The following PATJ variants were observed in gnomAD, a reference collection of about 807,000 sequenced individuals.
PATJ encodes the protein PATJ crumbs cell polarity complex component.
Under a neutral mutation model 224.9 loss-of-function variants are expected in PATJ, and 190 were observed. That is an observed-to-expected ratio of 0.84 (90% CI 0.75 to 0.95). PATJ has a LOEUF of 0.95. Ranked by LOEUF, PATJ falls within the 40% of genes least tolerant of loss-of-function variation. The probability of loss-of-function intolerance (pLI) is 0.00; values close to 1 mark genes in which losing one functional copy is unlikely to be tolerated. For missense variants in PATJ, 2,121 were observed against 2,270.3 expected (o/e 0.93, Z 1.34); for synonymous variants, 769 against 820.3 (o/e 0.94, Z 1.07).
chr1:61,912,959 C>T (rs1216399414), intron 25 of PATJ, among the ~76,000 whole-genome samples: 2 of 152,108 alleles, frequency 1.3e-5, no homozygotes, highest in African/African-American at 2.4e-5. Flanking sequence ...ATGTATTAAA[C>T]AGAGATAGAA....
At chr1:61,744,419 C>T (rs1196876151) in intron 1 of PATJ, among the ~76,000 whole-genome samples, 1 of 151,820 alleles carries the variant, frequency 6.6e-6, no homozygotes, top group Non-Finnish European at 1.5e-5. Context: ...CTCAGACTTG[C>T]AAGCATGAGC....
At chr1:61,959,622 T>C (rs1468710284) in intron 27 of PATJ, among the ~76,000 whole-genome samples, 1 of 151,344 alleles carries the variant, frequency 6.6e-6, no homozygotes, top group East Asian at 2.0e-4. Flanking sequence ...AAAAATTCTT[T>C]GTAGAGATGG....
chr1:61,911,238 A>G (rs940445185), intron 25 of PATJ, among the ~76,000 whole-genome samples: 1 of 152,070 alleles, frequency 6.6e-6, no homozygotes, highest in African/African-American at 2.4e-5. Context: ...GTTTTGGGAC[A>G]GAGTCTCGCT....
At chr1:62,140,023 G>C (rs1667342353) in intron 41 of PATJ, among the ~76,000 whole-genome samples, 1 of 152,108 alleles carries the variant, frequency 6.6e-6, no homozygotes, top group Non-Finnish European at 1.5e-5. Context: ...GCCTCCCAAA[G>C]TGTTAGGATT....
intron 18 of PATJ, 100 bp from the exon 19 acceptor site, chr1:61,861,451 C>A (rs1557772391): frequency 3.4e-6 from 2 of 592,630 alleles, no homozygotes; most frequent in Non-Finnish European, 6.0e-6. Flanking sequence ...AGGTTTTAAG[C>A]CCCGTGTGCA....
chr1:61,868,255 T>C (rs1431321619), intron 20 of PATJ, among the ~76,000 whole-genome samples: 2 of 152,188 alleles, frequency 1.3e-5, no homozygotes, highest in African/African-American at 4.8e-5. Flanking sequence ...TTGCTACAGA[T>C]CTTATCATCC....
At chr1:61,839,767 A>G (rs1462473777) in intron 17 of PATJ, among the ~76,000 whole-genome samples, 1 of 152,072 alleles carries the variant, frequency 6.6e-6, no homozygotes, top group Non-Finnish European at 1.5e-5. Context: ...TTATTAACCA[A>G]TAATTCTCCT....
chr1:62,119,805 A>G (rs912204146), intron 37 of PATJ, among the ~76,000 whole-genome samples: 1 of 152,068 alleles, frequency 6.6e-6, no homozygotes, highest in East Asian at 1.9e-4. Flanking sequence ...TTAGCTGGGC[A>G]TAGTGGTGGG....
chr1:61,827,024 G>T (rs1658392558), intron 15 of PATJ, among the ~76,000 whole-genome samples: 1 of 152,160 alleles, frequency 6.6e-6, no homozygotes, highest in African/African-American at 2.4e-5. Flanking sequence ...AAGGGAAACA[G>T]TCTTAAAGGG....
intron 27 of PATJ, among the ~76,000 whole-genome samples, chr1:61,963,672 G>A (rs987091495): frequency 6.6e-6 from 1 of 152,084 alleles, no homozygotes; most frequent in African/African-American, 2.4e-5. Flanking sequence ...CATCATAAAG[G>A]TCTTCATCCT....
intron 7 of PATJ, among the ~76,000 whole-genome samples, chr1:61,784,752 A>G (rs1260657624): frequency 6.6e-6 from 1 of 152,188 alleles, no homozygotes; most frequent in Non-Finnish European, 1.5e-5. Flanking sequence ...AGCACCACTG[A>G]CTTTCTCTTA....
intron 27 of PATJ, among the ~76,000 whole-genome samples, chr1:61,941,151 A>C (rs1032907440): frequency 2.6e-5 from 4 of 152,230 alleles, no homozygotes; most frequent in African/African-American, 9.6e-5. Context: ...GGAAGAATAC[A>C]CAGGAAAATT....
chr1:61,871,442 TACAC>T (rs369863473), intron 20 of PATJ, among the ~76,000 whole-genome samples: 18 of 29,020 alleles, frequency 6.2e-4, no homozygotes, highest in South Asian at 8.7e-4. Context: ...TATGTGTATA[TACAC>T]ATATATATGC....
intron 1 of PATJ, among the ~76,000 whole-genome samples, chr1:61,760,599 T>C (rs558725461): frequency 6.6e-6 from 1 of 150,998 alleles, no homozygotes; most frequent in East Asian, 2.0e-4. Flanking sequence ...TGGTTTCTTT[T>C]TTCTTTTCTT....
chr1:61,910,567 A>T (rs1250907605), intron 25 of PATJ, among the ~76,000 whole-genome samples: 63 of 13,750 alleles, frequency 4.6e-3, no homozygotes, highest in African/African-American at 8.9e-3. Context: ...TTTTTTTTGG[A>T]GACAGGGTCT....
At chr1:61,990,741 C>T (rs866223532) in intron 28 of PATJ, among the ~76,000 whole-genome samples, 1 of 151,826 alleles carries the variant, frequency 6.6e-6, no homozygotes, top group Non-Finnish European at 1.5e-5. Context: ...TGTGGTTCTT[C>T]AGTTTTTTGG....
chr1:61,862,026 T>A (rs1377911288), intron 19 of PATJ, among the ~76,000 whole-genome samples: 2 of 151,954 alleles, frequency 1.3e-5, no homozygotes, highest in African/African-American at 4.8e-5. Flanking sequence ...CACGTCTAGC[T>A]AATTTTTTGT....
chr1:61,866,974 C>T (rs1665527761), intron 20 of PATJ, among the ~76,000 whole-genome samples: 1 of 152,118 alleles, frequency 6.6e-6, no homozygotes, highest in Non-Finnish European at 1.5e-5. Flanking sequence ...ACTGTCATGG[C>T]GCTGGTGGGA....
At chr1:62,017,743 A>AAAG (rs1553243992) in intron 28 of PATJ, 113 bp from the exon 29 acceptor site, 18 of 516,340 alleles carry the variant, frequency 3.5e-5, no homozygotes, top group African/African-American at 1.2e-4. Context: ...AAAAAAAAAA[A>AAAG]AAAAGAAAAG....
Sources: allele counts gnomAD v4.1 joint callset (sites outside exome capture counted in the v4.1 genomes callset), GRCh38; gene constraint gnomAD v4.1.1; transcripts MANE v1.5; gene names NCBI Gene and HGNC (gene_info 2026-07-23, HGNC 2026-07-21).